Variants in PRKCB observed in about 807,000 individuals in gnomAD.
The protein encoded by PRKCB is protein kinase C beta type.
Under a neutral mutation model 81.5 loss-of-function variants are expected in PRKCB, and 13 were observed. That is an observed-to-expected ratio of 0.16 (90% CI 0.10 to 0.25). The LOEUF is 0.25. Among genes scored for constraint, PRKCB ranks in the 10% least tolerant of loss-of-function variants. The probability of loss-of-function intolerance (pLI) is 1.00; values close to 1 mark genes in which losing one functional copy is unlikely to be tolerated. For missense variants in PRKCB, 509 were observed against 875.7 expected (o/e 0.58, Z 5.29); for synonymous variants, 335 against 321.4 (o/e 1.04, Z -0.45).
intron 7 of PRKCB, 84 bp from the exon 8 acceptor site, chr16:24,112,889 A>G (rs1005300794): frequency 3.1e-6 from 3 of 966,796 alleles, no homozygotes; most frequent in Non-Finnish European, 4.7e-6. Flanking sequence ...AGAGCTTTAT[A>G]TAGGCCTCCT....
In PRKCB at chr16:23,950,132, ATTTTTTTTT is replaced by A. The variant is rs34117735; in HGVS notation, c.206-38358_206-38350del. Among the ~76,000 whole-genome samples, 27 of 97,774 alleles carry A rather than the reference ATTTTTTTTT, an allele frequency of 2.8e-4. 1 individual carries two copies. Among genetic ancestry groups the A allele is most frequent in the East Asian group, 6.3e-4 (2 of 3,178 alleles). 64.1% of individuals were successfully genotyped at this position (97,774 alleles called of 152,430 possible). A position where few individuals can be genotyped will look rare whatever the true frequency, so the allele number is the denominator to read the frequency against. On this transcript the variant is annotated intron_variant, in intron 2 of 16. Coordinates refer to ENST00000643927, the MANE Select transcript of PRKCB (RefSeq NM_002738.7). Reference sequence around the variant, plus strand: ...AGCAGCATTGGCCCCTATGATTTGAATTTTTTTTTTTTTTTTTTTTTTTTTTCTGTTGAT... The same window carrying A: ...AGCAGCATTGGCCCCTATGATTTGAATTTTTTTTTTTTTTTTTCTGTTGAT...
intron 13 of PRKCB, among the ~76,000 whole-genome samples, chr16:24,182,873 T>TTGTGTGTGTGTG (rs10524225): frequency 0.01 from 1,401 of 133,590 alleles, 22 homozygotes; most frequent in African/African-American, 0.03. Context: ...ACATTGTTTC[T>TTGTGTGTGTGTG]TGTGTGTGTG....
intron 2 of PRKCB, among the ~76,000 whole-genome samples, chr16:23,870,651 C>T (rs1567296406): frequency 1.3e-5 from 2 of 152,166 alleles, no homozygotes; most frequent in Non-Finnish European, 2.9e-5. Flanking sequence ...CAGCCTGGGG[C>T]CACATCAGGA....
At chr16:24,028,855 A>C (rs1332752256) in intron 3 of PRKCB, among the ~76,000 whole-genome samples, 2 of 151,796 alleles carry the variant, frequency 1.3e-5, no homozygotes, top group East Asian at 1.9e-4. Context: ...CAGTAGCACG[A>C]TCTCGGCTCA....
At chr16:24,065,713 A>T (rs1752127031) in intron 5 of PRKCB, among the ~76,000 whole-genome samples, 1 of 152,158 alleles carries the variant, frequency 6.6e-6, no homozygotes, top group Non-Finnish European at 1.5e-5. Context: ...ACATCTTAAG[A>T]TACTTGTATT....
At chr16:24,011,685 T>G (rs1965204810) in intron 3 of PRKCB, among the ~76,000 whole-genome samples, 1 of 152,028 alleles carries the variant, frequency 6.6e-6, no homozygotes, top group Admixed American at 6.5e-5. Context: ...CCTGGCTAAT[T>G]TTAAATTTTT....
intron 5 of PRKCB, among the ~76,000 whole-genome samples, chr16:24,083,374 C>T (rs548227496): frequency 6.6e-6 from 1 of 152,172 alleles, no homozygotes; most frequent in Non-Finnish European, 1.5e-5. Flanking sequence ...TATGCTCACA[C>T]AAGAACCCGT....
At chr16:24,016,111 A>G (rs1418099555) in intron 3 of PRKCB, among the ~76,000 whole-genome samples, 1 of 152,150 alleles carries the variant, frequency 6.6e-6, no homozygotes, top group Non-Finnish European at 1.5e-5. Flanking sequence ...AACTACCGCT[A>G]GGGTTATTAT....
At chr16:24,100,571 G>T (rs1218722839) in intron 7 of PRKCB, among the ~76,000 whole-genome samples, 3 of 152,064 alleles carry the variant, frequency 2.0e-5, no homozygotes, top group Non-Finnish European at 4.4e-5. Context: ...CTGGTGCATG[G>T]ATAGGTCTCT....
chr16:24,144,066 T>G (rs1218393249), intron 9 of PRKCB, among the ~76,000 whole-genome samples: 6 of 152,074 alleles, frequency 3.9e-5, no homozygotes, highest in Non-Finnish European at 1.5e-5. Context: ...AAATATGAAT[T>G]TTGTTATGTT....
chr16:24,124,037 G>A lies in PRKCB; in HGVS notation c.1065+56G>A, dbSNP rs1966832833. ...TTGGAAGGAACATCTAACAACACAG[G>A]CACATTTGCTGTTCCTATGGGACGG... On this transcript the variant is annotated intron_variant, in intron 9 of 16. Transcript: ENST00000643927. 6 of 1,601,806 alleles carry A rather than the reference G, an allele frequency of 3.7e-6. No individual in the cohort carries two copies. The East Asian group carries it at 1.3e-4, about 36-fold the overall frequency.
At chr16:23,956,936 A>G (rs376806264) in intron 2 of PRKCB, among the ~76,000 whole-genome samples, 1 of 149,718 alleles carries the variant, frequency 6.7e-6, no homozygotes, top group Admixed American at 6.7e-5. Context: ...TTGATTCCTA[A>G]CTCATACAAA....
In PRKCB at chr16:23,899,642, C is replaced by CTG. The variant is rs1171442347; in HGVS notation, c.205+62237_205+62238insGT. Among the ~76,000 whole-genome samples the CTG allele has an allele frequency of 5.1e-3, 26 of 5,104 alleles. 1 individual carries two copies. Among genetic ancestry groups the CTG allele is most frequent in the African/African-American group, 6.1e-3 (26 of 4,238 alleles). 3.3% of individuals were successfully genotyped at this position (5,104 alleles called of 152,430 possible). ...TCTCTCTCTCTCTCTCTCTCTCTCT[C>CTG]TCTGTGTGTGTGTGTGTGTGTGTGT... is the stretch of plus-strand genomic sequence containing the variant. On this transcript the variant is annotated intron_variant, in intron 2 of 16. Coordinates refer to ENST00000643927, the MANE Select transcript of PRKCB (RefSeq NM_002738.7).
chr16:24,032,687 A>C (rs1355944292), intron 4 of PRKCB, among the ~76,000 whole-genome samples: 1 of 152,104 alleles, frequency 6.6e-6, no homozygotes, highest in African/African-American at 2.4e-5. Flanking sequence ...GCCTCCGTGC[A>C]TGCACGGAGG....
At chr16:24,171,263 T>C (rs1054639598) in intron 10 of PRKCB, among the ~76,000 whole-genome samples, 1 of 152,194 alleles carries the variant, frequency 6.6e-6, no homozygotes, top group Non-Finnish European at 1.5e-5. Flanking sequence ...GGTGATTCTC[T>C]CACAGGACTG....
At chr16:24,033,011 T>A (rs35164228) in intron 4 of PRKCB, among the ~76,000 whole-genome samples, 61,014 of 152,112 alleles carry the variant, frequency 0.4, 12,659 homozygotes, top group South Asian at 0.62. Flanking sequence ...CATCATTCTC[T>A]GGCCAGGATG....
At chr16:23,989,810 A>G (rs1027352562) in intron 3 of PRKCB, among the ~76,000 whole-genome samples, 1 of 152,142 alleles carries the variant, frequency 6.6e-6, no homozygotes, top group Non-Finnish European at 1.5e-5. Context: ...CTCATGATGG[A>G]AGCTAAAAAT....
intron 2 of PRKCB, among the ~76,000 whole-genome samples, chr16:23,913,754 A>G (rs1187278388): frequency 6.6e-6 from 1 of 152,090 alleles, no homozygotes; most frequent in Non-Finnish European, 1.5e-5. Flanking sequence ...AATCTCTTAA[A>G]ATCTCCTGAG....
intron 9 of PRKCB, among the ~76,000 whole-genome samples, chr16:24,127,884 G>T (rs1000281586): frequency 6.6e-6 from 1 of 152,136 alleles, no homozygotes; most frequent in East Asian, 1.9e-4. Flanking sequence ...GTAAATTAAT[G>T]CAGGTTTTAT....
Sources: gnomAD v4.1 joint callset for allele counts (sites outside exome capture counted in the v4.1 genomes callset) on GRCh38, gnomAD v4.1.1 for gene constraint, MANE v1.5 for transcripts, NCBI Gene and HGNC (gene_info 2026-07-23, HGNC 2026-07-21) for gene names.